SRPX: variants seen among roughly 807,000 people sequenced by gnomAD.
SRPX encodes the protein sushi repeat containing protein X-linked, also known as sushi repeat-containing protein SRPX.
A neutral mutation model predicts 38.1 loss-of-function variants in SRPX; 24 were observed. The observed-to-expected ratio is 0.63, with a 90% CI of 0.46 to 0.89. The LOEUF (loss-of-function observed/expected upper bound fraction) is 0.89. Among genes scored for constraint, SRPX ranks in the 40% least tolerant of loss-of-function variants. The pLI, the probability that SRPX is intolerant of heterozygous loss-of-function variation, is 0.00. For synonymous variants in SRPX, 184 were observed against 153.8 expected, an observed-to-expected ratio of 1.20 and a Z score of -1.45; for missense variants, 416 against 377.8, an observed-to-expected ratio of 1.10 and a Z score of -0.84.
intron 8 of SRPX, among the ~76,000 whole-genome samples, chrX:38,156,625 G>A (rs768393359): frequency 1.8e-5 from 2 of 112,623 alleles, no homozygotes; most frequent in South Asian, 7.4e-4. Context: ...ATTGTTCTGT[G>A]GCTAGGCCTG....
chrX:38,160,938 A>T lies in SRPX; in HGVS notation c.770T>A (p.Val257Glu). The T allele has an allele frequency of 8.3e-7, 1 of 1,209,749 alleles. No individual in the cohort carries two copies. Among genetic ancestry groups the T allele is most frequent in the Non-Finnish European group, 1.1e-6 (1 of 894,440 alleles). ...CCAATAAGCAGTACTCTTACCTCTT[A>T]CTTTAACTCGAAATTTGCAAGTGCC... is the stretch of plus-strand genomic sequence containing the variant. The part of the protein sequence containing the change: ...NKGTCKFRVK[V>E]RVKRCGKLNA... Residue 257 changes from valine (V) to glutamate (E), a missense_variant, in exon 6 of 10, where the codon GTA (valine) becomes GAA (glutamate). Physicochemically the swap from Val to Glu is moderately radical, Grantham distance 121. Coordinates refer to ENST00000378533, the MANE Select transcript of SRPX (RefSeq NM_006307.5).
At chrX:38,152,091 A>T in intron 9 of SRPX, among the ~76,000 whole-genome samples, 1 of 111,647 alleles carries the variant, frequency 9.0e-6, no homozygotes, top group Admixed American at 9.5e-5. Flanking sequence ...TACATTATGC[A>T]GGCATTATGC....
chrX:38,154,453 T>C lies in SRPX; in HGVS notation c.1211+9A>G. 1.7e-6 allele frequency: 2 copies of C among 1,198,413 alleles called. No individual in the cohort carries two copies. Among genetic ancestry groups the C allele is most frequent in the Non-Finnish European group, 2.2e-6 (2 of 889,069 alleles). ...GGGGATAAGATTTAAGAACAGAACT[T>C]CCCCCTACCTGAGCTGCAGCGCTAG... is the stretch of plus-strand genomic sequence containing the variant. On this transcript the variant is annotated intron_variant, in intron 9 of 9. Transcript: ENST00000378533.
At chrX:38,216,880 T>C (rs1939429678) in intron 1 of SRPX, among the ~76,000 whole-genome samples, 1 of 112,589 alleles carries the variant, frequency 8.9e-6, no homozygotes, top group Non-Finnish European at 1.9e-5. Flanking sequence ...AAACTCCAGC[T>C]TGCGGTTGCA....
rs147590149 is a variant in SRPX, at chrX:38,170,559, T to G, written c.526+1322A>C. Among the ~76,000 whole-genome samples, 60 of 111,115 alleles carry G rather than the reference T, an allele frequency of 5.4e-4. No homozygotes were observed. In the East Asian group the frequency reaches 0.017, roughly 32 times the overall value. ...TGGATCGCTGTACCCCTTTTTGTCA[T>G]CCCTAACTAATTGCATGTACAATCC... On this transcript the variant is annotated intron_variant, in intron 4 of 9. Coordinates refer to ENST00000378533, the MANE Select transcript of SRPX (RefSeq NM_006307.5).
chrX:38,157,496 T>C (rs1938155640), intron 7 of SRPX, among the ~76,000 whole-genome samples: 2 of 111,635 alleles, frequency 1.8e-5, no homozygotes, highest in Admixed American at 9.5e-5. Context: ...CTCTGACCTC[T>C]CCTTCCATCG....
intron 1 of SRPX, among the ~76,000 whole-genome samples, chrX:38,195,341 T>C (rs1938978294): frequency 9.2e-6 from 1 of 108,710 alleles, no homozygotes; most frequent in Admixed American, 9.8e-5. Context: ...CTTTTTTTGG[T>C]AAGTTCTTAT....
intron 1 of SRPX, 110 bp from the exon 2 acceptor site, chrX:38,178,454 G>C (rs1938607891): frequency 1.7e-6 from 1 of 577,359 alleles, no homozygotes. Context: ...TTAGAATGCA[G>C]AGCCAAGAGC....
chrX:38,188,514 C>T (rs1388614614), intron 1 of SRPX, among the ~76,000 whole-genome samples: 1 of 112,027 alleles, frequency 8.9e-6, no homozygotes, highest in Non-Finnish European at 1.9e-5. Flanking sequence ...TTACTTTGTA[C>T]AATTTTTGTT....
At chrX:38,216,333 T>C (rs928988192) in intron 1 of SRPX, among the ~76,000 whole-genome samples, 2 of 113,008 alleles carry the variant, frequency 1.8e-5, no homozygotes, top group Admixed American at 1.9e-4. Context: ...AGAAATTGCA[T>C]ACCTTCTTCA....
At chrX:38,204,916 A>C (rs916866689) in intron 1 of SRPX, among the ~76,000 whole-genome samples, 2 of 112,289 alleles carry the variant, frequency 1.8e-5, no homozygotes, top group African/African-American at 6.5e-5. Context: ...CCTTGAAATG[A>C]AAGGACATCA....
At chrX:38,207,341 A>G (rs1939230169) in intron 1 of SRPX, among the ~76,000 whole-genome samples, 1 of 111,940 alleles carries the variant, frequency 8.9e-6, no homozygotes, top group Admixed American at 9.4e-5. Flanking sequence ...AAAAAGACAA[A>G]CACCTAAATC....
chrX:38,196,135 T>G (rs1396501324), intron 1 of SRPX, among the ~76,000 whole-genome samples: 1 of 111,940 alleles, frequency 8.9e-6, no homozygotes, highest in Non-Finnish European at 1.9e-5. Context: ...AGGAAGAAAT[T>G]TTTAGAATAG....
At chrX:38,158,459 T>C in intron 7 of SRPX, among the ~76,000 whole-genome samples, 1 of 111,574 alleles carries the variant, frequency 9.0e-6, no homozygotes, top group Middle Eastern at 4.6e-3. Flanking sequence ...CATTGAAGTA[T>C]TTGTTCATTC....
At position 38,184,778 on chromosome X, in the gene SRPX, G is replaced by A. The variant is rs377521290; in HGVS notation, c.98-6434C>T. 1.6e-4 allele frequency among the ~76,000 whole-genome samples: 18 copies of A among 111,896 alleles called. No homozygotes were observed. In the East Asian group the frequency reaches 3.1e-3, roughly 19 times the overall value. On this transcript the variant is annotated intron_variant, in intron 1 of 9. Coordinates refer to ENST00000378533, the MANE Select transcript of SRPX (RefSeq NM_006307.5). Reference sequence around the variant, plus strand: ...TTAACTCATTTTAGTGTTGGGGAGAGAGAAGCAAATATGTTTTTAAAAAGG... The same window carrying A: ...TTAACTCATTTTAGTGTTGGGGAGAAAGAAGCAAATATGTTTTTAAAAAGG...
At chrX:38,176,725 G>A (rs761830730) in intron 2 of SRPX, among the ~76,000 whole-genome samples, 5 of 111,700 alleles carry the variant, frequency 4.5e-5, no homozygotes, top group East Asian at 5.6e-4. Flanking sequence ...CCTGGGAGGC[G>A]GATGTTACAG....
chrX:38,191,817 A>G (rs984142840), intron 1 of SRPX, among the ~76,000 whole-genome samples: 1 of 112,272 alleles, frequency 8.9e-6, no homozygotes, highest in African/African-American at 3.2e-5. Flanking sequence ...CAATCAAAAG[A>G]GTTTGAAAAC....
intron 1 of SRPX, among the ~76,000 whole-genome samples, chrX:38,187,393 T>C (rs1938807245): frequency 8.9e-6 from 1 of 111,880 alleles, no homozygotes; most frequent in Admixed American, 9.5e-5. Context: ...GTATTCATCT[T>C]AATAACCACC....
chrX:38,203,728 G>A (rs1034603929), intron 1 of SRPX, among the ~76,000 whole-genome samples: 8 of 112,232 alleles, frequency 7.1e-5, no homozygotes, highest in African/African-American at 1.9e-4. Flanking sequence ...GCAGTGTGCC[G>A]AGATTGTGCC....
Sources: allele counts gnomAD v4.1 joint callset (sites outside exome capture counted in the v4.1 genomes callset), GRCh38; gene constraint gnomAD v4.1.1; transcripts MANE v1.5; gene names NCBI Gene and HGNC (gene_info 2026-07-23, HGNC 2026-07-21).